Variants in AP4M1 observed in about 807,000 individuals in gnomAD.
The protein encoded by AP4M1 is adaptor related protein complex 4 subunit mu 1, also known as AP-4 complex subunit mu-1.
In AP4M1, 58 loss-of-function variants were observed where a neutral mutation model predicts 62.4. That is an observed-to-expected ratio of 0.93 (90% CI 0.75 to 1.16). The LOEUF is 1.16. AP4M1 is among the 50% of genes most tolerant of loss of function. The pLI is 0.00. For synonymous variants in AP4M1, 290 were observed against 239.7 expected (o/e 1.21, Z -1.94); for missense variants, 626 against 585.4 (o/e 1.07, Z -0.72).
intron 4 of AP4M1, 173 bp downstream of exon 4, chr7:100,103,133 G>A (rs1293342363): frequency 4.5e-6 from 3 of 667,774 alleles, no homozygotes; most frequent in East Asian, 2.7e-5. Context: ...CTGCAGTGGT[G>A]CAGTTATAGC....
upstream of AP4M1, chr7:100,101,312 C>G: frequency 6.2e-7 from 1 of 1,613,072 alleles, no homozygotes; most frequent in Non-Finnish European, 8.5e-7. Flanking sequence ...GAGGGCCGTG[C>G]GGCCGCGCTT....
At chr7:100,102,350 C>T in intron 2 of AP4M1, 1 of 511,512 alleles carries the variant, frequency 2.0e-6, no homozygotes, top group East Asian at 3.7e-5. Flanking sequence ...GAGATCCGGA[C>T]ACCGCACTCC....
chr7:100,102,095 G>A, intron 2 of AP4M1, 127 bp downstream of exon 2: 3 of 1,095,040 alleles, frequency 2.7e-6, no homozygotes, highest in Non-Finnish European at 4.1e-6. Flanking sequence ...TAAAGCTAAC[G>A]TGAGGCCCGG....
chr7:100,108,728 CTT>C lies in AP4M1; in HGVS notation c.*1848_*1849del, dbSNP rs1363902408. 2 of 553,016 alleles carry C rather than the reference CTT, an allele frequency of 3.6e-6. No individual in the cohort carries two copies. Among genetic ancestry groups the C allele is most frequent in the Non-Finnish European group, 6.1e-6 (2 of 327,042 alleles). 34.3% of individuals were successfully genotyped at this position (553,016 alleles called of 1,614,324 possible). A position where few individuals can be genotyped will look rare whatever the true frequency, so the allele number is the denominator to read the frequency against. ...TAGTGTGTGTACAGAACACTGTGGG[CTT>C]TCTCATAAGAAAAGATGGGCACGGG... On this transcript the variant is annotated 3_prime_UTR_variant, in exon 15 of 15. Transcript: ENST00000359593.
At position 100,107,519 on chromosome 7, in the gene AP4M1, G is replaced by A. The variant is rs200022596; in HGVS notation, c.*637G>A. The A allele has an allele frequency of 8.2e-5, 133 of 1,614,020 alleles. No homozygotes were observed. The East Asian group carries it at 2.2e-3, about 26-fold the overall frequency. On this transcript the variant is annotated 3_prime_UTR_variant, in exon 15 of 15. Coordinates refer to ENST00000359593, the MANE Select transcript of AP4M1 (RefSeq NM_004722.4). ...CAGTGCTGGGGGGTGCGGTGGTGGC[G>A]GTGGAGACCAACTTGACGATGGGCT...
Position 100,106,268 on chromosome 7 carries a change from C to T in AP4M1, c.1002C>T (p.Leu334=), listed in dbSNP as rs140843407. ...AAGCCCTCAATGTCAGGCTGCACCTCCCCCTGCCTCGAGGGGTGGTCAGGT... is the reference window on the plus strand; with the variant it reads ...AAGCCCTCAATGTCAGGCTGCACCTTCCCCTGCCTCGAGGGGTGGTCAGGT... The part of the protein sequence containing the change: ...KSQALNVRLH[L]PLPRGVVSLS... The change falls in exon 13 of 15, where the codon CTC becomes CTT. Residue 334 remains leucine, a synonymous_variant. Transcript: ENST00000359593. 8.4e-3 allele frequency: 13,502 copies of T among 1,614,108 alleles called. 230 individuals carry two copies. The highest frequency in any genetic ancestry group is 0.064 in the Admixed American group (3,841 of 60,014).
chr7:100,108,640 G>A lies in AP4M1; in HGVS notation c.*1758G>A. 5 of 1,350,062 alleles carry A rather than the reference G, an allele frequency of 3.7e-6. No homozygotes were observed. The highest frequency in any genetic ancestry group is 4.0e-6 in the Non-Finnish European group (4 of 994,916). The allele number at this position is 1,350,062 out of a possible 1,614,324, so 83.6% of individuals were successfully genotyped here. A position where few individuals can be genotyped will look rare whatever the true frequency, so the allele number is the denominator to read the frequency against. On this transcript the variant is annotated 3_prime_UTR_variant, in exon 15 of 15. Coordinates refer to ENST00000359593, the MANE Select transcript of AP4M1 (RefSeq NM_004722.4). The stretch of plus-strand genomic sequence containing the variant: ...TCTTGAGAAGAACCTTGGGGATGGG[G>A]TAAAAAAGGACATTCCTTATCATCT...
In AP4M1 at chr7:100,105,476, A is replaced by G. The variant is rs1584516454; in HGVS notation, c.866A>G (p.Asp289Gly). Residue 289 changes from aspartate (D) to glycine (G), a missense_variant, in exon 11 of 15, where the codon GAC becomes GGC. Asp to Gly is a moderately conservative substitution (Grantham distance 94). Transcript: ENST00000359593. ...LTVMRYQLSD[D>G]LPSPLPFRLF... ...GTGATGCGGTACCAACTCTCCGATGACCTCCCCTCACCGCTCCCCTTCCGG... is the reference window on the plus strand; with the variant it reads ...GTGATGCGGTACCAACTCTCCGATGGCCTCCCCTCACCGCTCCCCTTCCGG... 2 of 1,613,184 alleles carry G rather than the reference A, an allele frequency of 1.2e-6. No homozygotes were observed. Among genetic ancestry groups the G allele is most frequent in the African/African-American group, 1.3e-5 (1 of 74,654 alleles).
At chr7:100,104,838 A>G (rs1209389776) in intron 7 of AP4M1, 36 bp from the exon 8 acceptor site, 1 of 1,613,354 alleles carries the variant, frequency 6.2e-7, no homozygotes, top group Non-Finnish European at 8.5e-7. Flanking sequence ...AAAAGAAAGA[A>G]AAAAAGACTC....
chr7:100,101,534 G>C, upstream of AP4M1: 1 of 791,804 alleles, frequency 1.3e-6, no homozygotes, highest in African/African-American at 1.7e-5. Context: ...GGCGGTGCGG[G>C]CGTCGGAAGG....
upstream of AP4M1, chr7:100,101,582 C>G (rs551437300): frequency 4.9e-6 from 5 of 1,013,814 alleles, no homozygotes; most frequent in African/African-American, 1.6e-5. Context: ...CCGGGTTTCC[C>G]GCGGTCCGAG....
At chr7:100,102,577 C>T (rs1183651888) in intron 2 of AP4M1, 98 bp from the exon 3 acceptor site, 1 of 1,012,372 alleles carries the variant, frequency 9.9e-7, no homozygotes, top group East Asian at 2.5e-5. Flanking sequence ...GCTGTTGTGA[C>T]TAGTAAGAGG....
intron 6 of AP4M1, 72 bp downstream of exon 6, chr7:100,103,764 G>C: frequency 1.3e-6 from 2 of 1,524,742 alleles, no homozygotes; most frequent in South Asian, 1.1e-5. Context: ...ATCTTAGGTC[G>C]GGCACAGCGG....
chr7:100,102,957 G>A lies in AP4M1; in HGVS notation c.348G>A (p.Val116=). ...TGGTATACGAACTCCTGGATGAAGTGCTGGTGAGAATCAACAATCCCCTTC... is the reference window on the plus strand; with the variant it reads ...TGGTATACGAACTCCTGGATGAAGTACTGGTGAGAATCAACAATCCCCTTC... ...VALVYELLDE[V]LDYGYVQTTS... is the part of the protein sequence containing the mutation. Residue 116 remains valine (V), a synonymous_variant, in exon 4 of 15, where the codon GTG becomes GTA. Transcript: ENST00000359593. 6.2e-7 allele frequency: 1 copy of A among 1,613,636 alleles called. No homozygotes were observed. Among genetic ancestry groups the A allele is most frequent in the African/African-American group, 1.3e-5 (1 of 74,978 alleles).
upstream of AP4M1, chr7:100,101,424 C>G (rs923129487): frequency 8.6e-6 from 11 of 1,283,746 alleles, no homozygotes; most frequent in African/African-American, 1.6e-4. Flanking sequence ...CCCCACGTGA[C>G]CGGCGCCACT....
At chr7:100,100,876 C>T (rs78828105), upstream of AP4M1, 6 of 1,051,034 alleles carry the variant, frequency 5.7e-6, no homozygotes, top group Non-Finnish European at 6.9e-6. Context: ...CCTACGCGCG[C>T]CTGGGGAGGG....
intron 11 of AP4M1, 27 bp downstream of exon 11, chr7:100,105,566 C>G: frequency 6.3e-7 from 1 of 1,592,918 alleles, no homozygotes; most frequent in South Asian, 1.1e-5. Context: ...GGTTCTAGAA[C>G]TACCTTGGAA....
chr7:100,106,318 G>A (rs1796474762), intron 13 of AP4M1, 27 bp downstream of exon 13: 1 of 1,613,710 alleles, frequency 6.2e-7, no homozygotes, highest in African/African-American at 1.3e-5. Flanking sequence ...ACCACGGGGA[G>A]ATTCCTGGGG....
intron 2 of AP4M1, 24 bp from the exon 3 acceptor site, chr7:100,102,651 C>T (rs41280962): frequency 3.1e-6 from 5 of 1,609,892 alleles, no homozygotes; most frequent in Non-Finnish European, 4.2e-6. Context: ...TTTAACGCCT[C>T]TCTTCTCCCT....
Sources: allele counts gnomAD v4.1 joint callset, GRCh38; gene constraint gnomAD v4.1.1; transcripts MANE v1.5; gene names NCBI Gene and HGNC (gene_info 2026-07-23, HGNC 2026-07-21).